The following TNFSF12 variants were observed in gnomAD, a reference collection of about 807,000 sequenced individuals.
TNFSF12 encodes the protein tumor necrosis factor ligand superfamily member 12.
TNFSF12 carries 16 observed loss-of-function variants against 31.2 expected under a neutral mutation model. The observed-to-expected ratio is 0.51, with a 90% confidence interval of 0.35 to 0.78. The LOEUF is 0.78. Among genes scored for constraint, TNFSF12 ranks in the 30% least tolerant of loss-of-function variants. The pLI, the probability that TNFSF12 is intolerant of heterozygous loss-of-function variation, is 0.01. For synonymous variants in TNFSF12, 150 were observed against 151.4 expected (o/e 0.99, Z 0.07); for missense variants, 324 against 338.8 (o/e 0.96, Z 0.34).
chr17:7,552,805 C>T (rs2071015254), intron 5 of TNFSF12, among the ~76,000 whole-genome samples: 1 of 151,998 alleles, frequency 6.6e-6, no homozygotes, highest in Non-Finnish European at 1.5e-5. Context: ...ATCCTGGATT[C>T]GGAGAAACCA....
intron 5 of TNFSF12, among the ~76,000 whole-genome samples, chr17:7,556,576 T>C (rs1244327490): frequency 6.6e-6 from 1 of 152,232 alleles, no homozygotes; most frequent in Non-Finnish European, 1.5e-5. Flanking sequence ...TGAATGTCTC[T>C]GGCCATATAC....
intron 5 of TNFSF12, among the ~76,000 whole-genome samples, chr17:7,553,017 G>A (rs2071017469): frequency 7.4e-6 from 1 of 135,186 alleles, no homozygotes. Flanking sequence ...TGGAGGCAGG[G>A]ACAACCTTTT....
chr17:7,550,736 G>A lies in TNFSF12; in HGVS notation c.284-63G>A, dbSNP rs1004468442. 1.0e-4 allele frequency: 163 copies of A among 1,579,592 alleles called. No homozygotes were observed. Among genetic ancestry groups the A allele is most frequent in the Non-Finnish European group, 1.2e-4 (144 of 1,155,112 alleles). ...GTTCCTGAGAGGGGAATGGGGCTGG[G>A]AGAGTTGCTCTGGGACCCCCACTAG... On this transcript the variant is annotated intron_variant, in intron 3 of 6. Transcript: ENST00000293825. The surrounding 1 kb of genome is among the most constrained non-coding windows in gnomAD (Gnocchi z 4.4).
Position 7,550,197 on chromosome 17 carries a change from T to C in TNFSF12, c.283+2T>C. On this transcript the variant is annotated splice_donor_variant, in intron 3 of 6. Transcript: ENST00000293825. LOFTEE classifies it high-confidence loss of function. The surrounding 1 kb of genome is among the most constrained non-coding windows in gnomAD (Gnocchi z 4.4). ...GACTAGTTCGGCCTCGCAGAAGTGG[T>C]GAGCATCCCTCTATCCCAACCTCAG... 2 of 1,614,088 alleles carry C rather than the reference T, an allele frequency of 1.2e-6. No individual in the cohort carries two copies. Among genetic ancestry groups the C allele is most frequent in the Non-Finnish European group, 1.7e-6 (2 of 1,180,026 alleles).
rs1432222435 is a variant in TNFSF12 at position 7,549,191 on chromosome 17, G to A, written c.38G>A (p.Arg13Gln). The A allele has an allele frequency of 1.6e-5, 21 of 1,305,118 alleles. No homozygotes were observed. Among genetic ancestry groups the A allele is most frequent in the Non-Finnish European group, 1.9e-5 (20 of 1,030,742 alleles). The allele number at this position is 1,305,118 out of a possible 1,614,324, so 80.8% of individuals were successfully genotyped here. A position where few individuals can be genotyped will look rare whatever the true frequency, so the allele number is the denominator to read the frequency against. The part of the protein sequence containing the change: ...ARRSQRRRGR[R>Q]GEPGTALLVP... ...CGGAGCCAGAGGCGGAGGGGGCGCCGGGGGGAGCCGGGCACCGCCCTGCTG... is the reference window on the plus strand; with the variant it reads ...CGGAGCCAGAGGCGGAGGGGGCGCCAGGGGGAGCCGGGCACCGCCCTGCTG... The change falls in exon 1 of 7, where the codon CGG becomes CAG. Residue 13 changes from arginine (R) to glutamine (Q), a missense_variant. Coordinates refer to ENST00000293825, the MANE Select transcript of TNFSF12 (RefSeq NM_003809.3). This position sits in a 1 kb window ranked among gnomAD's most constrained non-coding sequence, Gnocchi z 4.1.
At chr17:7,554,459 G>A (rs887888593) in intron 5 of TNFSF12, among the ~76,000 whole-genome samples, 8 of 151,532 alleles carry the variant, frequency 5.3e-5, no homozygotes, top group South Asian at 2.1e-4. Flanking sequence ...GACTACAGGC[G>A]CCCGCCACCA....
rs756794822 is a variant in TNFSF12 at position 7,549,695 on chromosome 17, CTG to C, written c.207+179_207+180del. 93 of 1,106,338 alleles carry C rather than the reference CTG, an allele frequency of 8.4e-5. No homozygotes were observed. Among genetic ancestry groups the C allele is most frequent in the Non-Finnish European group, 1.0e-4 (84 of 808,338 alleles). 68.5% of individuals were successfully genotyped at this position (1,106,338 alleles called of 1,614,324 possible). On this transcript the variant is annotated intron_variant, in intron 2 of 6. Coordinates refer to ENST00000293825, the MANE Select transcript of TNFSF12 (RefSeq NM_003809.3). The surrounding 1 kb of genome is among the most constrained non-coding windows in gnomAD (Gnocchi z 4.1). Reference sequence around the variant, plus strand: ...GGGGTGTGTGTGCGTGGTGACAACTCTGTGTGAGGGGTTTGTGCTGGGGTTGT... The same window carrying C: ...GGGGTGTGTGTGCGTGGTGACAACTCTGTGAGGGGTTTGTGCTGGGGTTGT...
At position 7,549,517 on chromosome 17, in the gene TNFSF12, C is replaced by A. The variant is rs779644920; in HGVS notation, c.203C>A (p.Pro68Gln). 3 of 1,550,528 alleles carry A rather than the reference C, an allele frequency of 1.9e-6. No individual in the cohort carries two copies. The highest frequency in any genetic ancestry group is 2.4e-5 in the South Asian group (2 of 83,972). The change falls in exon 2 of 7, where the codon CCG becomes CAG. Residue 68 changes from proline (P) to glutamine (Q), a missense_variant. Transcript: ENST00000293825. The surrounding 1 kb of genome is among the most constrained non-coding windows in gnomAD (Gnocchi z 4.1). Reference sequence around the variant, plus strand: ...CTGGTGGCAGAGGAGGACCAGGACCCGTCGGTGAGTGGGCGTGGGCGCGGT... The same window carrying A: ...CTGGTGGCAGAGGAGGACCAGGACCAGTCGGTGAGTGGGCGTGGGCGCGGT... ...EELVAEEDQD[P>Q]SELNPQTEES... is the part of the protein sequence containing the mutation.
At position 7,550,184 on chromosome 17, in the gene TNFSF12, C is replaced by G. The variant is rs1280755567; in HGVS notation, c.272C>G (p.Pro91Arg). The G allele has an allele frequency of 6.2e-7, 1 of 1,614,118 alleles. No homozygotes were observed. ...PAPFLNRLVRPRRSAPKGRKT... is the reference protein window; with the variant it reads ...PAPFLNRLVRRRRSAPKGRKT... ...CCTTTCCTGAACCGACTAGTTCGGCCTCGCAGAAGTGGTGAGCATCCCTCT... is the reference window on the plus strand; with the variant it reads ...CCTTTCCTGAACCGACTAGTTCGGCGTCGCAGAAGTGGTGAGCATCCCTCT... The change falls in exon 3 of 7, where the codon CCT becomes CGT. Residue 91 changes from proline (P) to arginine (R), a missense_variant. Coordinates refer to ENST00000293825, the MANE Select transcript of TNFSF12 (RefSeq NM_003809.3). This position sits in a 1 kb window ranked among gnomAD's most constrained non-coding sequence, Gnocchi z 4.4.
At chr17:7,554,277 T>C (rs1473793423) in intron 5 of TNFSF12, among the ~76,000 whole-genome samples, 1 of 151,228 alleles carries the variant, frequency 6.6e-6, no homozygotes, top group Non-Finnish European at 1.5e-5. Flanking sequence ...GGGGCCAGGC[T>C]AGGTGCCCAC....
At position 7,550,166 on chromosome 17, in the gene TNFSF12, T is replaced by C; in HGVS notation, c.254T>C (p.Leu85Pro). 1.9e-6 allele frequency: 3 copies of C among 1,614,162 alleles called. No individual in the cohort carries two copies. The South Asian group carries it at 3.3e-5, about 18-fold the overall frequency. ...TEESQDPAPFLNRLVRPRRSA... is the reference protein window; with the variant it reads ...TEESQDPAPFPNRLVRPRRSA... ...GAAAGCCAGGATCCTGCGCCTTTCC[T>C]GAACCGACTAGTTCGGCCTCGCAGA... The change falls in exon 3 of 7, where the codon CTG becomes CCG. Residue 85 changes from leucine to proline, a missense_variant. By Grantham distance (98) the Leu-to-Pro change is moderately conservative. Coordinates refer to ENST00000293825, the MANE Select transcript of TNFSF12 (RefSeq NM_003809.3). The surrounding 1 kb of genome is among the most constrained non-coding windows in gnomAD (Gnocchi z 4.4).
At chr17:7,554,307 CTTTTTTTTTTTTTTTT>C (rs67090485) in intron 5 of TNFSF12, among the ~76,000 whole-genome samples, 1 of 73,012 alleles carries the variant, frequency 1.4e-5, no homozygotes, top group Non-Finnish European at 2.6e-5. Flanking sequence ...TATCCAGACT[CTTTTTTTTTTTTTTTT>C]TTTTTTTTGA....
rs1555564686 is a variant in TNFSF12, at chr17:7,555,973, G to GTTTTTTGTTTT, written c.374-799_374-798insGTTTTTTTTTT. Reference sequence around the variant, plus strand: ...GTGGAAATAAAAATGCCCAGTGAGCGTTTTTTTTGTTTTTTTTTTTTTTTG... The same window carrying GTTTTTTGTTTT: ...GTGGAAATAAAAATGCCCAGTGAGCGTTTTTTGTTTTTTTTTTTTGTTTTTTTTTTTTTTTG... On this transcript the variant is annotated intron_variant, in intron 5 of 6. Transcript: ENST00000293825. 6.5e-4 allele frequency among the ~76,000 whole-genome samples: 46 copies of GTTTTTTGTTTT among 70,908 alleles called. 12 individuals are homozygous for GTTTTTTGTTTT. The highest frequency in any genetic ancestry group is 1.5e-3 in the South Asian group (3 of 2,018). The allele number at this position is 70,908 out of a possible 152,430, so 46.5% of individuals were successfully genotyped here.
chr17:7,557,415 C>A lies in TNFSF12; in HGVS notation c.*65C>A. The A allele has an allele frequency of 6.6e-7, 1 of 1,520,734 alleles. No homozygotes were observed. The highest frequency in any genetic ancestry group is 8.8e-7 in the Non-Finnish European group (1 of 1,134,672). The allele number at this position is 1,520,734 out of a possible 1,614,324, so 94.2% of individuals were successfully genotyped here. On this transcript the variant is annotated 3_prime_UTR_variant, in exon 7 of 7. Coordinates refer to ENST00000293825, the MANE Select transcript of TNFSF12 (RefSeq NM_003809.3). This position sits in a 1 kb window ranked among gnomAD's most constrained non-coding sequence, Gnocchi z 5.2. ...TCCCCTCGACAGCTCTCTGGGCACC[C>A]GGTCCCCTCTGCCCCACCCTCAGCC...
chr17:7,552,744 C>T (rs1218373486), intron 5 of TNFSF12, among the ~76,000 whole-genome samples: 1 of 152,078 alleles, frequency 6.6e-6, no homozygotes, highest in African/African-American at 2.4e-5. Flanking sequence ...GGAAAACCAG[C>T]AGAGACTGAA....
In TNFSF12 at chr17:7,557,116, G is replaced by A. The variant is rs759931137; in HGVS notation, c.516G>A (p.Gly172=). The stretch of plus-strand genomic sequence containing the variant: ...CACCCCAGGTGCACTTTGATGAGGG[G>A]AAGGCTGTCTACCTGAAGCTGGACT... ...YLYCQVHFDE[G]KAVYLKLDLL... The change falls in exon 7 of 7, where the codon GGG becomes GGA. Residue 172 remains glycine, a synonymous_variant. Coordinates refer to ENST00000293825, the MANE Select transcript of TNFSF12 (RefSeq NM_003809.3). The surrounding 1 kb of genome is among the most constrained non-coding windows in gnomAD (Gnocchi z 5.2). 1.9e-6 allele frequency: 3 copies of A among 1,613,200 alleles called. No individual in the cohort carries two copies. Among genetic ancestry groups the A allele is most frequent in the Non-Finnish European group, 1.7e-6 (2 of 1,179,582 alleles).
At chr17:7,555,973 G>GTGTTTTTTTTTTT (rs1445369237) in intron 5 of TNFSF12, among the ~76,000 whole-genome samples, 4 of 70,878 alleles carry the variant, frequency 5.6e-5, no homozygotes, top group East Asian at 4.3e-4. Flanking sequence ...CCCAGTGAGC[G>GTGTTTTTTTTTTT]TTTTTTTTGT....
rs1378626205 is a variant in TNFSF12, at chr17:7,550,249, C to T, written c.283+54C>T. 1.2e-6 allele frequency: 2 copies of T among 1,612,896 alleles called. No individual in the cohort carries two copies. Among genetic ancestry groups the T allele is most frequent in the East Asian group, 2.2e-5 (1 of 44,896 alleles). ...AAGCGGGCAGAGCAAAAACCATTATCCACAGGGAGAAACTGAGGCACGGAG... is the reference window on the plus strand; with the variant it reads ...AAGCGGGCAGAGCAAAAACCATTATTCACAGGGAGAAACTGAGGCACGGAG... On this transcript the variant is annotated intron_variant, in intron 3 of 6. Coordinates refer to ENST00000293825, the MANE Select transcript of TNFSF12 (RefSeq NM_003809.3). This position sits in a 1 kb window ranked among gnomAD's most constrained non-coding sequence, Gnocchi z 4.4.
intron 5 of TNFSF12, among the ~76,000 whole-genome samples, chr17:7,555,973 G>GT (rs59248137): frequency 0.015 from 1,039 of 69,524 alleles, 3 homozygotes; most frequent in Non-Finnish European, 0.022. Flanking sequence ...CCCAGTGAGC[G>GT]TTTTTTTTGT....
Sources: gnomAD v4.1 joint callset for allele counts (sites outside exome capture counted in the v4.1 genomes callset) on GRCh38, gnomAD v4.1.1 for gene constraint, Gnocchi (gnomAD v3.1) non-coding constraint, MANE v1.5 for transcripts, NCBI Gene and HGNC (gene_info 2026-07-23, HGNC 2026-07-21) for gene names.